DCDC2C: variants seen among roughly 807,000 people sequenced by gnomAD.
The protein encoded by DCDC2C is doublecortin domain containing 2C, also known as doublecortin domain-containing protein 2C.
Under a neutral mutation model 45.0 loss-of-function variants are expected in DCDC2C, and 44 were observed. The ratio of observed to expected loss-of-function variants is 0.98; its 90% CI spans 0.77 to 1.26. DCDC2C has a LOEUF of 1.26. Among genes scored for constraint, DCDC2C ranks in the 50% most tolerant of loss-of-function variants. DCDC2C has a pLI of 0.00. For missense variants in DCDC2C, 447 were observed against 468.9 expected, an observed-to-expected ratio of 0.95 and a Z score of 0.43; for synonymous variants, 187 against 178.8, an observed-to-expected ratio of 1.05 and a Z score of -0.37.
intron 2 of DCDC2C, among the ~76,000 whole-genome samples, chr2:3,718,635 T>C (rs532715802): frequency 6.6e-6 from 1 of 152,188 alleles, no homozygotes; most frequent in African/African-American, 2.4e-5. Context: ...GGGGGTCTGT[T>C]TTCATCGCCA....
At chr2:3,760,031 T>C (rs1383320021) in intron 6 of DCDC2C, among the ~76,000 whole-genome samples, 1 of 152,206 alleles carries the variant, frequency 6.6e-6, no homozygotes, top group Non-Finnish European at 1.5e-5. Context: ...TGACTGGACC[T>C]CCCTTCTGTG....
chr2:3,762,658 AC>A (rs1322431984), intron 6 of DCDC2C, among the ~76,000 whole-genome samples: 1 of 152,140 alleles, frequency 6.6e-6, no homozygotes, highest in Non-Finnish European at 1.5e-5. Context: ...TGCTGTGAGG[AC>A]ACATCAAGCT....
At chr2:3,741,667 G>A (rs1022123348) in intron 3 of DCDC2C, among the ~76,000 whole-genome samples, 1 of 152,026 alleles carries the variant, frequency 6.6e-6, no homozygotes, top group Non-Finnish European at 1.5e-5. Flanking sequence ...CCACTGTTGT[G>A]GTTTTCGTCT....
Position 3,742,188 on chromosome 2 carries a change from A to T in DCDC2C, c.545+140A>T, listed in dbSNP as rs577533634. ...AATTTTAATTCTTCAAGCAGATAGT[A>T]TTTTCTCAGTCTTGGTATTACACTT... On this transcript the variant is annotated intron_variant, in intron 4 of 10. Transcript: ENST00000399143. The T allele has an allele frequency of 1.5e-5, 16 of 1,062,222 alleles. No individual in the cohort carries two copies. In the African/African-American group the frequency reaches 2.6e-4, roughly 17 times the overall value. The allele number at this position is 1,062,222 out of a possible 1,614,324, so 65.8% of individuals were successfully genotyped here.
chr2:3,802,644 A>C (rs1211406795), intron 10 of DCDC2C, among the ~76,000 whole-genome samples: 1 of 152,160 alleles, frequency 6.6e-6, no homozygotes, highest in Non-Finnish European at 1.5e-5. Flanking sequence ...ATGTGGTGGA[A>C]GGGGCAAATC....
At chr2:3,747,113 C>T (rs1669390316) in intron 4 of DCDC2C, among the ~76,000 whole-genome samples, 1 of 152,190 alleles carries the variant, frequency 6.6e-6, no homozygotes, top group Non-Finnish European at 1.5e-5. Flanking sequence ...GTTCTAAGAG[C>T]TAATGATGAA....
chr2:3,735,827 T>A (rs1216912020), intron 3 of DCDC2C, among the ~76,000 whole-genome samples: 2 of 151,904 alleles, frequency 1.3e-5, no homozygotes, highest in East Asian at 3.8e-4. Flanking sequence ...TTTTTTTTTT[T>A]ATAGATCTCA....
chr2:3,743,656 C>G (rs116174777), intron 4 of DCDC2C, among the ~76,000 whole-genome samples: 2,254 of 152,068 alleles, frequency 0.015, 55 homozygotes, highest in African/African-American at 0.051. Context: ...ACCATTGGGT[C>G]AAGGAAGAAA....
chr2:3,822,251 T>G (rs751769049), intron 10 of DCDC2C, among the ~76,000 whole-genome samples: 4 of 152,232 alleles, frequency 2.6e-5, no homozygotes, highest in Non-Finnish European at 5.9e-5. Context: ...GCTTAGCTTT[T>G]TCTGTTTTCA....
intron 10 of DCDC2C, among the ~76,000 whole-genome samples, chr2:3,797,357 G>A (rs1328160950): frequency 6.6e-6 from 1 of 151,518 alleles, no homozygotes; most frequent in African/African-American, 2.4e-5. Context: ...GGTTTTTTGT[G>A]TCTCTATTTC....
intron 10 of DCDC2C, among the ~76,000 whole-genome samples, chr2:3,791,848 G>A (rs537126760): frequency 3.9e-5 from 6 of 152,208 alleles, no homozygotes; most frequent in Non-Finnish European, 5.9e-5. Flanking sequence ...ATGACACACC[G>A]CCACAGGGCA....
intron 4 of DCDC2C, among the ~76,000 whole-genome samples, chr2:3,745,446 T>C (rs1669332790): frequency 1.3e-5 from 2 of 152,192 alleles, no homozygotes; most frequent in African/African-American, 4.8e-5. Flanking sequence ...TAAATTAGTT[T>C]TTTATGGTTG....
intron 9 of DCDC2C, among the ~76,000 whole-genome samples, chr2:3,784,120 G>T (rs1242169127): frequency 2.0e-5 from 3 of 152,006 alleles, no homozygotes; most frequent in Non-Finnish European, 2.9e-5. Flanking sequence ...TAAAAATGAG[G>T]TTTTTTTGTT....
At position 3,761,386 on chromosome 2, in the gene DCDC2C, T is replaced by C. The variant is rs1466501001; in HGVS notation, c.727-6368T>C. Among the ~76,000 whole-genome samples the C allele has an allele frequency of 2.6e-5, 4 of 151,488 alleles. No individual in the cohort carries two copies. Among genetic ancestry groups the C allele is most frequent in the Admixed American group, 1.3e-4 (2 of 15,178 alleles). On this transcript the variant is annotated intron_variant, in intron 6 of 10. Coordinates refer to ENST00000399143, the MANE Select transcript of DCDC2C (RefSeq NM_001287444.2). The surrounding 1 kb of genome is among the most constrained non-coding windows in gnomAD (Gnocchi z 4.3). Reference sequence around the variant, plus strand: ...TAAATTAAGGAGGTGCGTGTGTGTGTGCGTGTGTGTGTGCGTGAAAACAGT... The same window carrying C: ...TAAATTAAGGAGGTGCGTGTGTGTGCGCGTGTGTGTGTGCGTGAAAACAGT...
chr2:3,718,919 T>C (rs1668419710), intron 2 of DCDC2C, among the ~76,000 whole-genome samples: 3 of 152,124 alleles, frequency 2.0e-5, no homozygotes, highest in African/African-American at 7.2e-5. Flanking sequence ...CGCTGATTAG[T>C]GTGTTTTACA....
intron 6 of DCDC2C, among the ~76,000 whole-genome samples, chr2:3,766,310 G>GCGCA (rs1553275847): frequency 5.2e-4 from 76 of 146,152 alleles, no homozygotes; most frequent in Middle Eastern, 3.5e-3. Context: ...ACACACACAC[G>GCGCA]CACACACACA....
At chr2:3,710,026 A>G (rs1236266705) in intron 2 of DCDC2C, among the ~76,000 whole-genome samples, 1 of 152,156 alleles carries the variant, frequency 6.6e-6, no homozygotes, top group Non-Finnish European at 1.5e-5. Context: ...GTTACCCAAA[A>G]GAGTTTAAAA....
intron 2 of DCDC2C, among the ~76,000 whole-genome samples, chr2:3,710,450 A>G (rs544563367): frequency 6.6e-6 from 1 of 152,098 alleles, no homozygotes; most frequent in African/African-American, 2.4e-5. Flanking sequence ...AAGCGAGGAC[A>G]TGTGGTGTTT....
chr2:3,836,485 A>G (rs975743500), intron 10 of DCDC2C, among the ~76,000 whole-genome samples: 2 of 152,240 alleles, frequency 1.3e-5, no homozygotes, highest in Non-Finnish European at 2.9e-5. Context: ...TAACAGTTAA[A>G]TAGTATCACA....
Sources: gnomAD v4.1 joint callset for allele counts (sites outside exome capture counted in the v4.1 genomes callset) on GRCh38, gnomAD v4.1.1 for gene constraint, Gnocchi (gnomAD v3.1) non-coding constraint, MANE v1.5 for transcripts, NCBI Gene and HGNC (gene_info 2026-07-23, HGNC 2026-07-21) for gene names.